CCDC125: variants seen among roughly 807,000 people sequenced by gnomAD.
The protein encoded by CCDC125 is coiled-coil domain containing 125.
CCDC125 carries 43 observed loss-of-function variants against 57.4 expected under a neutral mutation model. The observed-to-expected ratio is 0.75, with a 90% CI of 0.59 to 0.97. The LOEUF (loss-of-function observed/expected upper bound fraction) is 0.97, where lower values mean the gene tolerates loss of function less well. Ranked by LOEUF, CCDC125 falls within the 50% of genes least tolerant of loss-of-function variation. CCDC125 has a pLI of 0.00. For missense variants in CCDC125, 563 were observed against 595.7 expected, an observed-to-expected ratio of 0.95 and a Z score of 0.57; for synonymous variants, 187 against 195.2, an observed-to-expected ratio of 0.96 and a Z score of 0.35.
chr5:69,274,280 T>A, the CCDC125 span, among the ~76,000 whole-genome samples: 7 of 152,184 alleles, frequency 4.6e-5, no homozygotes, highest in African/African-American at 1.7e-4. Flanking sequence ...TCTTAGATCT[T>A]TAGCCCAGAA....
At chr5:69,276,581 A>G (rs1290348979), downstream of CCDC125, 2 of 1,613,706 alleles carry the variant, frequency 1.2e-6, no homozygotes, top group African/African-American at 1.3e-5. Context: ...GGCCAGGGCC[A>G]ACACCTGGAT....
intron 1 of CCDC125, among the ~76,000 whole-genome samples, chr5:69,329,642 A>C (rs1761173550): frequency 6.7e-6 from 1 of 150,336 alleles, no homozygotes; most frequent in South Asian, 2.1e-4. Context: ...AGCTGGGATT[A>C]CAGGTGCCTG....
chr5:69,276,023 G>A (rs1752096206), downstream of CCDC125, among the ~76,000 whole-genome samples: 1 of 151,998 alleles, frequency 6.6e-6, no homozygotes, highest in African/African-American at 2.4e-5. Flanking sequence ...AATTAGAAGG[G>A]AGTCTTTTTT....
At chr5:69,319,373 A>G (rs915626492) in intron 2 of CCDC125, among the ~76,000 whole-genome samples, 1 of 152,232 alleles carries the variant, frequency 6.6e-6, no homozygotes, top group Non-Finnish European at 1.5e-5. Flanking sequence ...ACTGCAAAAA[A>G]AAGTACTTCA....
At chr5:69,292,681 G>C (rs1428277217) in intron 9 of CCDC125, among the ~76,000 whole-genome samples, 1 of 152,098 alleles carries the variant, frequency 6.6e-6, no homozygotes, top group Non-Finnish European at 1.5e-5. Context: ...TGAAAGATAA[G>C]AGGATACCAA....
chr5:69,292,243 A>G lies in CCDC125; in HGVS notation c.1044T>C (p.Asp348=), dbSNP rs767106907. 3 of 1,613,756 alleles carry G rather than the reference A, an allele frequency of 1.9e-6. No individual in the cohort carries two copies. ...NDQALQLTQM[D]KMHKKATKWM... Reference sequence around the variant, plus strand: ...ATTTTGTTGCTTTTTTATGCATTTTATCCATTTGTGTCAATTGTAGTGCCT... The same window carrying G: ...ATTTTGTTGCTTTTTTATGCATTTTGTCCATTTGTGTCAATTGTAGTGCCT... The change falls in exon 10 of 12, where the codon GAT becomes GAC. Residue 348 remains aspartate, a synonymous_variant. Coordinates refer to ENST00000396496, the MANE Select transcript of CCDC125 (RefSeq NM_176816.5).
intron 1 of CCDC125, among the ~76,000 whole-genome samples, chr5:69,330,633 G>A (rs931716553): frequency 4.0e-5 from 6 of 151,738 alleles, no homozygotes; most frequent in Non-Finnish European, 8.8e-5. Context: ...CCCATTCCAG[G>A]TCTCCCTCTG....
chr5:69,295,045 A>C (rs1755097885), intron 8 of CCDC125, 145 bp from the exon 9 acceptor site: 3 of 551,260 alleles, frequency 5.4e-6, no homozygotes, highest in Non-Finnish European at 9.6e-6. Flanking sequence ...AACAAAATAG[A>C]AGAAAGCTGA....
intron 4 of CCDC125, chr5:69,310,435 G>C (rs1427672107): frequency 6.4e-6 from 1 of 156,812 alleles, no homozygotes; most frequent in Non-Finnish European, 1.4e-5. Context: ...TTCTCTTGCT[G>C]CTGCCACGTA....
chr5:69,318,022 G>A (rs1009117446), intron 2 of CCDC125, among the ~76,000 whole-genome samples: 3 of 126,532 alleles, frequency 2.4e-5, no homozygotes, highest in Admixed American at 1.0e-4. Context: ...TTGCTCTGTC[G>A]CCAGGCTGGA....
rs756420518 is a variant in CCDC125, at chr5:69,294,869, C to T, written c.848G>A (p.Gly283Glu). ...LAVLGACLCH[G>E]PGGNPCSCAR... Reference sequence around the variant, plus strand: ...ACAAGAACAGGGGTTCCCTCCGGGCCCATGACAAAGGCAGGCTCCGAGGAC... The same window carrying T: ...ACAAGAACAGGGGTTCCCTCCGGGCTCATGACAAAGGCAGGCTCCGAGGAC... Residue 283 changes from glycine to glutamate, a missense_variant, in exon 9 of 12, where the codon GGG becomes GAG. Gly to Glu is a moderately conservative substitution (Grantham distance 98). Coordinates refer to ENST00000396496, the MANE Select transcript of CCDC125 (RefSeq NM_176816.5). 1 of 1,614,044 alleles carries T rather than the reference C, an allele frequency of 6.2e-7. No homozygotes were observed. The highest frequency in any genetic ancestry group is 1.1e-5 in the South Asian group (1 of 91,054).
At chr5:69,315,303 C>T (rs1758839733) in intron 2 of CCDC125, among the ~76,000 whole-genome samples, 1 of 151,652 alleles carries the variant, frequency 6.6e-6, no homozygotes, top group African/African-American at 2.4e-5. Context: ...TGGCTTACAC[C>T]TGTAATCCCA....
chr5:69,273,739 A>G, the CCDC125 span, among the ~76,000 whole-genome samples: 21 of 152,190 alleles, frequency 1.4e-4, no homozygotes, highest in East Asian at 3.8e-4. Context: ...CTTTATGGAA[A>G]CATATTAATG....
downstream of CCDC125, chr5:69,276,512 A>C: frequency 6.2e-7 from 1 of 1,605,118 alleles, no homozygotes; most frequent in Non-Finnish European, 8.5e-7. Context: ...ATACTCACCT[A>C]CCTTACTTTT....
chr5:69,274,052 T>G, the CCDC125 span, among the ~76,000 whole-genome samples: 1 of 152,234 alleles, frequency 6.6e-6, no homozygotes, highest in Non-Finnish European at 1.5e-5. Flanking sequence ...ACAAGTAATT[T>G]GTTGCCTTTT....
In CCDC125 at chr5:69,295,687, A is replaced by G. The variant is rs187219810; in HGVS notation, c.817-787T>C. 4.6e-5 allele frequency among the ~76,000 whole-genome samples: 7 copies of G among 152,334 alleles called. No homozygotes were observed. The East Asian group carries it at 1.3e-3, about 29-fold the overall frequency. ...CTTCGAAAAGAACCCCATGGCTGTTACATCTTCAGTGTGGAATGTTAAATA... is the reference window on the plus strand; with the variant it reads ...CTTCGAAAAGAACCCCATGGCTGTTGCATCTTCAGTGTGGAATGTTAAATA... On this transcript the variant is annotated intron_variant, in intron 8 of 11. Transcript: ENST00000396496.
At chr5:69,290,900 G>C (rs1000611255) in intron 10 of CCDC125, among the ~76,000 whole-genome samples, 1 of 152,004 alleles carries the variant, frequency 6.6e-6, no homozygotes, top group African/African-American at 2.4e-5. Context: ...AAAGTGCTGG[G>C]ATTACAGGCA....
chr5:69,302,724 A>C (rs2150436314), intron 7 of CCDC125, among the ~76,000 whole-genome samples: 1 of 144,380 alleles, frequency 6.9e-6, no homozygotes, highest in East Asian at 2.0e-4. Context: ...ACTCTGTCTC[A>C]AAAAAAAAAA....
intron 9 of CCDC125, 146 bp from the exon 10 acceptor site, chr5:69,292,508 A>G: frequency 1.6e-6 from 1 of 628,354 alleles, no homozygotes; most frequent in Non-Finnish European, 2.8e-6. Context: ...GATTACGCTA[A>G]TTAATGCTTG....
Sources: allele counts gnomAD v4.1 joint callset (sites outside exome capture counted in the v4.1 genomes callset), GRCh38; gene constraint gnomAD v4.1.1; transcripts MANE v1.5; gene names NCBI Gene and HGNC (gene_info 2026-07-23, HGNC 2026-07-21).